The following CIAO3 variants were observed in gnomAD, a reference collection of about 807,000 sequenced individuals.
CIAO3 encodes cytosolic iron-sulfur assembly component 3.
A neutral mutation model predicts 51.5 loss-of-function variants in CIAO3; 45 were observed. The observed-to-expected ratio is 0.87, with a 90% CI of 0.69 to 1.12. The LOEUF (loss-of-function observed/expected upper bound fraction) is 1.12. CIAO3 is among the 50% of genes most tolerant of loss of function. The probability of loss-of-function intolerance (pLI) is 0.00; values close to 1 mark genes in which losing one functional copy is unlikely to be tolerated. For missense variants in CIAO3, 668 were observed against 632.5 expected, an observed-to-expected ratio of 1.06 and a Z score of -0.60; for synonymous variants, 314 against 269.3, an observed-to-expected ratio of 1.17 and a Z score of -1.63.
intron 1 of CIAO3, chr16:740,528 G>C: frequency 3.2e-6 from 1 of 314,950 alleles, no homozygotes; most frequent in Non-Finnish European, 6.0e-6. Context: ...AAGAGGCCCC[G>C]GCCCGGGCCC....
At chr16:734,682 C>G (rs2041320175) in intron 5 of CIAO3, 55 bp downstream of exon 5, 1 of 1,612,578 alleles carries the variant, frequency 6.2e-7, no homozygotes, top group South Asian at 1.1e-5. Flanking sequence ...CATATCACCT[C>G]ACGTTTCAAC....
chr16:734,088 G>A (rs2041313064), intron 6 of CIAO3, 141 bp downstream of exon 6: 2 of 745,738 alleles, frequency 2.7e-6, no homozygotes, highest in Admixed American at 2.0e-5. Context: ...TGAACCAGGA[G>A]GGAACAAGGG....
chr16:733,347 A>C lies in CIAO3; in HGVS notation c.774T>G (p.Phe258Leu). ...DKKLEASRPD[F>L]FNQEHQTRDV... is the part of the protein sequence containing the mutation. ...CCCGTGTCTGGTGCTCCTGGTTGAAAAAGTCGGGTCTGGAGGCTTCCAGCT... is the reference window on the plus strand; with the variant it reads ...CCCGTGTCTGGTGCTCCTGGTTGAACAAGTCGGGTCTGGAGGCTTCCAGCT... Residue 258 changes from phenylalanine (F) to leucine (L), a missense_variant, in exon 7 of 11, where the codon TTT becomes TTG. Physicochemically the swap from Phe to Leu is conservative, Grantham distance 22. Transcript: ENST00000251588. The C allele has an allele frequency of 6.2e-7, 1 of 1,613,884 alleles. No homozygotes were observed. Among genetic ancestry groups the C allele is most frequent in the Admixed American group, 1.7e-5 (1 of 60,030 alleles).
chr16:740,461 A>C, intron 1 of CIAO3: 1 of 298,498 alleles, frequency 3.4e-6, no homozygotes, highest in Admixed American at 4.5e-5. Context: ...TGCAGATGCA[A>C]AGGCTGTGGC....
rs78997491 is a variant in CIAO3, at chr16:734,913, C to T, written c.440-42G>A. 478 of 1,510,350 alleles carry T rather than the reference C, an allele frequency of 3.2e-4. 5 individuals are homozygous for T. The East Asian group carries it at 8.8e-3, about 28-fold the overall frequency. The allele number at this position is 1,510,350 out of a possible 1,614,324, so 93.6% of individuals were successfully genotyped here. ...GGTGCCTGGTTAACCCCATGCGGGA[C>T]GCCCACACGAGCACACGCCGGCGTG... On this transcript the variant is annotated intron_variant, in intron 4 of 10. Coordinates refer to ENST00000251588, the MANE Select transcript of CIAO3 (RefSeq NM_022493.3).
At position 734,800 on chromosome 16, in the gene CIAO3, G is replaced by A. The variant is rs138258252; in HGVS notation, c.511C>T (p.Arg171Trp). 1.5e-4 allele frequency: 241 copies of A among 1,606,486 alleles called. 3 individuals are homozygous for A. Among genetic ancestry groups the A allele is most frequent in the South Asian group, 1.5e-3 (136 of 90,728 alleles). ...CAGTCGGCCTGTCCTCGGAATCGCC[G>A]CACAAACTCTCGCTGGCTCTCCAGG... ...SLLESQREFV[R>W]RFRGQADCRQ... Residue 171 changes from arginine (R) to tryptophan (W), a missense_variant, in exon 5 of 11, where the codon CGG (arginine) becomes TGG (tryptophan). Coordinates refer to ENST00000251588, the MANE Select transcript of CIAO3 (RefSeq NM_022493.3).
At chr16:731,929 C>T (rs964126802) in intron 8 of CIAO3, 5 of 583,350 alleles carry the variant, frequency 8.6e-6, no homozygotes, top group Admixed American at 3.5e-5. Flanking sequence ...AGTGCAGTGG[C>T]GTGATCTTGG....
intron 2 of CIAO3, chr16:738,056 G>C: frequency 9.3e-7 from 1 of 1,077,330 alleles, no homozygotes; most frequent in Non-Finnish European, 1.1e-6. Flanking sequence ...TCTCTGCTAG[G>C]CCTGTGTATC....
intron 2 of CIAO3, among the ~76,000 whole-genome samples, chr16:738,740 C>T (rs1314048095): frequency 6.6e-6 from 1 of 151,506 alleles, no homozygotes; most frequent in Non-Finnish European, 1.5e-5. Flanking sequence ...CCCTATCTCC[C>T]AGGTTCAAGT....
intron 1 of CIAO3, 28 bp downstream of exon 1, chr16:740,892 T>C: frequency 1.3e-6 from 2 of 1,526,268 alleles, no homozygotes; most frequent in Non-Finnish European, 1.8e-6. Context: ...GAGCGCAGCC[T>C]CGACCCCGCC....
chr16:736,428 T>TGG, intron 3 of CIAO3, 30 bp from the exon 4 acceptor site: 1 of 1,611,654 alleles, frequency 6.2e-7, no homozygotes, highest in Non-Finnish European at 8.5e-7. Context: ...CGCTGCTTAC[T>TGG]CTGCTGGCCT....
chr16:740,894 G>A lies in CIAO3; in HGVS notation c.66+26C>T, dbSNP rs955213494. 2.6e-5 allele frequency: 40 copies of A among 1,526,528 alleles called. No homozygotes were observed. The Middle Eastern group carries it at 5.4e-4, about 21-fold the overall frequency. The allele number at this position is 1,526,528 out of a possible 1,614,324, so 94.6% of individuals were successfully genotyped here. A position where few individuals can be genotyped will look rare whatever the true frequency, so the allele number is the denominator to read the frequency against. On this transcript the variant is annotated intron_variant, in intron 1 of 10. Coordinates refer to ENST00000251588, the MANE Select transcript of CIAO3 (RefSeq NM_022493.3). ...GCGACAGGGCACCGAGCGCAGCCTC[G>A]ACCCCGCCCGCCCAGGCCGGCCCAC...
At chr16:733,187 C>T (rs1410768638) in intron 7 of CIAO3, 111 bp downstream of exon 7, 1 of 1,419,050 alleles carries the variant, frequency 7.0e-7, no homozygotes, top group Non-Finnish European at 9.5e-7. Context: ...AGCCCCCACA[C>T]TCCAGCCAGG....
rs1451066617 is a variant in CIAO3, at chr16:730,436, C to T, written c.1412G>A (p.Gly471Asp). Residue 471 changes from glycine (G) to aspartate (D), a missense_variant, in exon 11 of 11, where the codon GGC (glycine) becomes GAC (aspartate). Transcript: ENST00000251588. ...QYHAVEKAST[G>D]LGIRW Reference sequence around the variant, plus strand: ...CAGCCCCTACCACCGGATGCCCAGGCCAGTGCTGGCCTTCTCCACGGCGTG... The same window carrying T: ...CAGCCCCTACCACCGGATGCCCAGGTCAGTGCTGGCCTTCTCCACGGCGTG... The T allele has an allele frequency of 1.2e-6, 2 of 1,603,464 alleles. No homozygotes were observed.
intron 7 of CIAO3, 52 bp from the exon 8 acceptor site, chr16:732,425 AG>A (rs2041293436): frequency 6.2e-7 from 1 of 1,601,414 alleles, no homozygotes; most frequent in Admixed American, 1.7e-5. Context: ...CCAGCAACAA[AG>A]TCAGAGAACA....
In CIAO3 at chr16:734,277, C is replaced by T. The variant is rs757733391; in HGVS notation, c.645G>A (p.Pro215=). The change falls in exon 6 of 11, where the codon CCG becomes CCA. Residue 215 remains proline (P), a synonymous_variant. Coordinates refer to ENST00000251588, the MANE Select transcript of CIAO3 (RefSeq NM_022493.3). The part of the protein sequence containing the change: ...ILPHISTARS[P]QQVMGSLVKD... ...TGACCAGGGAGCCCATGACCTGCTG[C>T]GGGGACCGGGCGGTGCTGATGTGGG... The T allele has an allele frequency of 6.1e-5, 99 of 1,611,886 alleles. No homozygotes were observed. Among genetic ancestry groups the T allele is most frequent in the South Asian group, 1.1e-4 (10 of 91,092 alleles).
rs1342997581 is a variant in CIAO3 at position 737,356 on chromosome 16, A to G, written c.163-27T>C. ...TACAAGGGAGAAGAACCCGGTGCACAGGGGCCCCCTCTGCACGAGGACATG... is the reference window on the plus strand; with the variant it reads ...TACAAGGGAGAAGAACCCGGTGCACGGGGGCCCCCTCTGCACGAGGACATG... On this transcript the variant is annotated intron_variant, in intron 2 of 10. Transcript: ENST00000251588. This position sits in a 1 kb window ranked among gnomAD's most constrained non-coding sequence, Gnocchi z 5.3. The G allele has an allele frequency of 6.2e-7, 1 of 1,611,002 alleles. No individual in the cohort carries two copies. The highest frequency in any genetic ancestry group is 8.5e-7 in the Non-Finnish European group (1 of 1,179,072).
At chr16:733,961 C>T in intron 6 of CIAO3, 1 of 464,932 alleles carries the variant, frequency 2.2e-6, no homozygotes, top group Non-Finnish European at 4.0e-6. Context: ...GGGTGGGCTC[C>T]AGGCCCGGAC....
chr16:729,877 C>T lies in CIAO3; in HGVS notation c.*540G>A, dbSNP rs747449102. On this transcript the variant is annotated 3_prime_UTR_variant, in exon 11 of 11. Transcript: ENST00000251588. ...CTGCTGCTTCGTACTTGGCTTGCCCCGGACCACAGCCTCGTAACGGTAACC... is the reference window on the plus strand; with the variant it reads ...CTGCTGCTTCGTACTTGGCTTGCCCTGGACCACAGCCTCGTAACGGTAACC... The T allele has an allele frequency of 9.5e-5, 41 of 431,516 alleles. No homozygotes were observed. The highest frequency in any genetic ancestry group is 1.3e-4 in the Non-Finnish European group (32 of 253,042). 26.7% of individuals were successfully genotyped at this position (431,516 alleles called of 1,614,324 possible). A position where few individuals can be genotyped will look rare whatever the true frequency, so the allele number is the denominator to read the frequency against.
Sources: allele counts gnomAD v4.1 joint callset (sites outside exome capture counted in the v4.1 genomes callset), GRCh38; gene constraint gnomAD v4.1.1; non-coding constraint Gnocchi (gnomAD v3.1); transcripts MANE v1.5; gene names NCBI Gene and HGNC (gene_info 2026-07-23, HGNC 2026-07-21).